Variants in ROR2 observed in about 807,000 individuals in gnomAD.
The protein encoded by ROR2 is tyrosine-protein kinase transmembrane receptor ROR2.
A neutral mutation model predicts 74.9 loss-of-function variants in ROR2; 33 were observed. That is an observed-to-expected ratio of 0.44 (90% CI 0.33 to 0.59). The LOEUF (loss-of-function observed/expected upper bound fraction) is 0.59, where lower values mean the gene tolerates loss of function less well. ROR2 is among the 20% of genes least tolerant of loss of function. The pLI is 0.02. For missense variants in ROR2, 1,216 were observed against 1,313.8 expected, an observed-to-expected ratio of 0.93 and a Z score of 1.15; for synonymous variants, 586 against 558.7, an observed-to-expected ratio of 1.05 and a Z score of -0.69.
intron 1 of ROR2, among the ~76,000 whole-genome samples, chr9:91,789,113 C>T (rs567646682): frequency 1.2e-4 from 18 of 151,930 alleles, no homozygotes; most frequent in South Asian, 2.1e-4. Context: ...ATGTTGTTAC[C>T]ACAATGAAAT....
chr9:91,929,883 C>T (rs76004798), intron 1 of ROR2, among the ~76,000 whole-genome samples: 6,829 of 152,144 alleles, frequency 0.045, 222 homozygotes, highest in Non-Finnish European at 0.061. Context: ...TTCCCCGGGA[C>T]CTGACTCCCA....
At chr9:91,810,118 G>A (rs1490732129) in intron 1 of ROR2, among the ~76,000 whole-genome samples, 1 of 152,248 alleles carries the variant, frequency 6.6e-6, no homozygotes, top group Non-Finnish European at 1.5e-5. Flanking sequence ...CATGTCGGCG[G>A]AGCCAGCACC....
intron 1 of ROR2, among the ~76,000 whole-genome samples, chr9:91,891,649 T>C (rs748453116): frequency 5.3e-5 from 8 of 152,212 alleles, no homozygotes; most frequent in African/African-American, 1.7e-4. Context: ...TCCGTTCCTT[T>C]TGGTTGCAGG....
intron 4 of ROR2, among the ~76,000 whole-genome samples, chr9:91,744,707 G>C (rs1825353771): frequency 6.6e-6 from 1 of 152,174 alleles, no homozygotes; most frequent in South Asian, 2.1e-4. Context: ...AAAAATCCAA[G>C]TCAGCAGAAC....
intron 1 of ROR2, among the ~76,000 whole-genome samples, chr9:91,927,438 G>A (rs1413694025): frequency 6.6e-6 from 1 of 152,170 alleles, no homozygotes; most frequent in Non-Finnish European, 1.5e-5. Context: ...GACCCTGAAG[G>A]GGGACCAGGG....
At chr9:91,745,331 G>T (rs934343861) in intron 4 of ROR2, among the ~76,000 whole-genome samples, 2 of 151,310 alleles carry the variant, frequency 1.3e-5, no homozygotes, top group Non-Finnish European at 2.9e-5. Context: ...CTCCATGTTG[G>T]TCAGGCTGGT....
At chr9:91,754,720 T>C (rs1825691922) in intron 4 of ROR2, among the ~76,000 whole-genome samples, 1 of 152,212 alleles carries the variant, frequency 6.6e-6, no homozygotes, top group East Asian at 1.9e-4. Context: ...GTTCAACTTT[T>C]GAAATGACTT....
At chr9:91,900,728 G>T (rs1830657266) in intron 1 of ROR2, among the ~76,000 whole-genome samples, 1 of 152,148 alleles carries the variant, frequency 6.6e-6, no homozygotes, top group Non-Finnish European at 1.5e-5. Flanking sequence ...CAAAACCACA[G>T]GCTTAAAAGT....
intron 1 of ROR2, among the ~76,000 whole-genome samples, chr9:91,821,568 C>T (rs897669392): frequency 2.6e-5 from 4 of 152,112 alleles, no homozygotes; most frequent in African/African-American, 7.2e-5. Flanking sequence ...CAGCCATGCA[C>T]CCCTGAAAGG....
chr9:91,753,686 C>T (rs1825656956), intron 4 of ROR2, among the ~76,000 whole-genome samples: 2 of 152,158 alleles, frequency 1.3e-5, no homozygotes, highest in African/African-American at 4.8e-5. Flanking sequence ...GGAACAGTCA[C>T]ATGCTCTGCA....
chr9:91,885,658 T>G (rs778011511), intron 1 of ROR2, among the ~76,000 whole-genome samples: 2 of 152,180 alleles, frequency 1.3e-5, no homozygotes, highest in African/African-American at 2.4e-5. Context: ...AAAAGTGATC[T>G]ACAAAAGCCC....
At chr9:91,726,828 G>T in intron 7 of ROR2, 85 bp from the exon 8 acceptor site, 3 of 1,322,524 alleles carry the variant, frequency 2.3e-6, no homozygotes, top group East Asian at 2.3e-5. Context: ...TCCACCTCCA[G>T]CCAAAATCTT....
rs1587746293 is a variant in ROR2, at chr9:91,816,089, G to A, written c.98-40271C>T. 1.3e-5 allele frequency among the ~76,000 whole-genome samples: 2 copies of A among 152,122 alleles called. 1 individual carries two copies. Among genetic ancestry groups the A allele is most frequent in the South Asian group, 4.2e-4 (2 of 4,802 alleles). On this transcript the variant is annotated intron_variant, in intron 1 of 8. Transcript: ENST00000375708. ...ATGCCATCTGGCTCCCTCTTCCCTG[G>A]ATTCCTCAAGCCGGTCCATCGGTCA...
chr9:91,890,277 T>C (rs1830392746), intron 1 of ROR2, among the ~76,000 whole-genome samples: 1 of 152,178 alleles, frequency 6.6e-6, no homozygotes, highest in African/African-American at 2.4e-5. Flanking sequence ...AGGGAGCCAC[T>C]GTCGGCCTCA....
chr9:91,947,651 C>T (rs903594210), intron 1 of ROR2, among the ~76,000 whole-genome samples: 4 of 152,148 alleles, frequency 2.6e-5, no homozygotes, highest in African/African-American at 9.7e-5. Flanking sequence ...CCATCGTTCC[C>T]CACCTACCCT....
chr9:91,898,440 T>C (rs1201637660), intron 1 of ROR2, among the ~76,000 whole-genome samples: 2 of 152,132 alleles, frequency 1.3e-5, no homozygotes, highest in Admixed American at 6.5e-5. Context: ...TACTAAATGA[T>C]CTGCCCAAAA....
At chr9:91,877,323 AG>A (rs1829984608) in intron 1 of ROR2, among the ~76,000 whole-genome samples, 1 of 152,212 alleles carries the variant, frequency 6.6e-6, no homozygotes, top group Admixed American at 6.5e-5. Context: ...TCCTGAAAGA[AG>A]GTGATCAAGA....
At chr9:91,753,456 A>ATC (rs1825650317) in intron 4 of ROR2, among the ~76,000 whole-genome samples, 3 of 152,258 alleles carry the variant, frequency 2.0e-5, no homozygotes, top group African/African-American at 7.2e-5. Flanking sequence ...CTTATGGAAG[A>ATC]TAAGGAGAAA....
intron 1 of ROR2, among the ~76,000 whole-genome samples, chr9:91,796,077 A>G (rs549005599): frequency 6.6e-6 from 1 of 152,328 alleles, no homozygotes; most frequent in African/African-American, 2.4e-5. Context: ...CAAGGGTCAG[A>G]GGGCCTGGGC....
Sources: gnomAD v4.1 joint callset for allele counts (sites outside exome capture counted in the v4.1 genomes callset) on GRCh38, gnomAD v4.1.1 for gene constraint, MANE v1.5 for transcripts, NCBI Gene and HGNC (gene_info 2026-07-23, HGNC 2026-07-21) for gene names.